The following CHRM2 variants were observed in gnomAD, a reference collection of about 807,000 sequenced individuals.
CHRM2 encodes the protein muscarinic acetylcholine receptor M2.
Under a neutral mutation model 25.0 loss-of-function variants are expected in CHRM2, and 8 were observed. The ratio of observed to expected loss-of-function variants is 0.32; its 90% CI spans 0.19 to 0.58. CHRM2 has a LOEUF of 0.58. CHRM2 is among the 20% of genes least tolerant of loss of function. The pLI, the probability that CHRM2 is intolerant of heterozygous loss-of-function variation, is 0.88. For synonymous variants in CHRM2, 202 were observed against 205.7 expected (o/e 0.98, Z 0.15); for missense variants, 440 against 567.1 (o/e 0.78, Z 2.28).
At chr7:136,903,027 AAAC>A (rs1797317760) in intron 2 of CHRM2, 5 of 488,998 alleles carry the variant, frequency 1.0e-5, no homozygotes, top group African/African-American at 2.0e-5. Context: ...CAGCAACTTT[AAAC>A]AATAGGCCAG....
intron 3 of CHRM2, among the ~76,000 whole-genome samples, chr7:137,012,920 TCAA>T (rs1804918124): frequency 6.6e-6 from 1 of 151,988 alleles, no homozygotes; most frequent in South Asian, 2.1e-4. Flanking sequence ...CCAAAAGTAT[TCAA>T]CACTACCATT....
intron 3 of CHRM2, among the ~76,000 whole-genome samples, chr7:136,995,529 A>G (rs997489162): frequency 6.6e-6 from 1 of 152,164 alleles, no homozygotes; most frequent in African/African-American, 2.4e-5. Flanking sequence ...TTCGGAGGCC[A>G]AAGTGAGAGA....
intron 2 of CHRM2, among the ~76,000 whole-genome samples, chr7:136,898,425 T>G (rs972351328): frequency 2.0e-5 from 3 of 152,064 alleles, no homozygotes; most frequent in African/African-American, 7.2e-5. Flanking sequence ...AATTTATCAT[T>G]CATACAGGTG....
Position 137,017,325 on chromosome 7 carries a change from C to T in CHRM2, c.*1059C>T, listed in dbSNP as rs551883197. 2.2e-4 allele frequency: 34 copies of T among 151,824 alleles called. No individual in the cohort carries two copies. Among genetic ancestry groups the T allele is most frequent in the African/African-American group, 8.0e-4 (33 of 41,454 alleles). The allele number at this position is 151,824 out of a possible 1,614,324, so 9.4% of individuals were successfully genotyped here. On this transcript the variant is annotated 3_prime_UTR_variant, in exon 4 of 4. Coordinates refer to ENST00000680005, the MANE Select transcript of CHRM2 (RefSeq NM_001006630.2). ...CTATTTCAACCTGAATTTGCCTGAC[C>T]CATGTATGAAATGTTAACTTATAGA...
At chr7:136,938,656 C>T in intron 2 of CHRM2, 1 of 814,548 alleles carries the variant, frequency 1.2e-6, no homozygotes. Flanking sequence ...AGGGCCCACT[C>T]GTGCAGGAGC....
chr7:136,922,866 G>GT (rs1002297072), intron 2 of CHRM2, among the ~76,000 whole-genome samples: 4 of 152,136 alleles, frequency 2.6e-5, no homozygotes, highest in African/African-American at 4.8e-5. Context: ...ATCATTTTGG[G>GT]TTTTTTCTAA....
chr7:137,016,248 C>T lies in CHRM2; in HGVS notation c.1383C>T (p.Asn461=), dbSNP rs750992865. Residue 461 remains asparagine (N), a synonymous_variant, in exon 4 of 4, where the codon AAC becomes AAT. Transcript: ENST00000680005. ...ACCTTCTCATGTGTCATTATAAGAACATAGGCGCTACAAGGTAAAATATCT... is the reference window on the plus strand; with the variant it reads ...ACCTTCTCATGTGTCATTATAAGAATATAGGCGCTACAAGGTAAAATATCT... ...FKHLLMCHYK[N]IGATR 1.2e-6 allele frequency: 2 copies of T among 1,612,720 alleles called. No homozygotes were observed. The highest frequency in any genetic ancestry group is 2.2e-5 in the South Asian group (2 of 91,050).
intron 2 of CHRM2, among the ~76,000 whole-genome samples, chr7:136,901,298 T>C (rs1337628582): frequency 2.0e-5 from 3 of 152,112 alleles, no homozygotes; most frequent in Admixed American, 2.0e-4. Flanking sequence ...CATGCAGTTC[T>C]AGCTGCATTC....
At chr7:137,004,441 G>C (rs1804281530) in intron 3 of CHRM2, among the ~76,000 whole-genome samples, 1 of 152,148 alleles carries the variant, frequency 6.6e-6, no homozygotes, top group Admixed American at 6.6e-5. Flanking sequence ...CTAAATGGGA[G>C]ACAGGTATTT....
intron 2 of CHRM2, among the ~76,000 whole-genome samples, chr7:136,965,669 T>C (rs1801370590): frequency 6.6e-6 from 1 of 151,970 alleles, no homozygotes; most frequent in African/African-American, 2.4e-5. Context: ...AAAAATTAAT[T>C]TGAAAACAGC....
At chr7:136,950,141 G>C (rs1235224952) in intron 2 of CHRM2, among the ~76,000 whole-genome samples, 1 of 151,760 alleles carries the variant, frequency 6.6e-6, no homozygotes, top group Non-Finnish European at 1.5e-5. Context: ...CTTTTTTATT[G>C]GTCATAAATA....
rs185124970 is a variant in CHRM2, at chr7:136,929,377, G to C, written c.-125+59959G>C. On this transcript the variant is annotated intron_variant, in intron 2 of 3. Transcript: ENST00000680005. ...AGAAGTTTATATGTTCTGACTCTTG[G>C]CCCACCCAAATTTTCACTGCCAATT... 2.0e-3 allele frequency among the ~76,000 whole-genome samples: 303 copies of C among 151,350 alleles called. 3 individuals carry two copies. The highest frequency in any genetic ancestry group is 7.0e-3 in the African/African-American group (290 of 41,172).
At chr7:136,906,061 G>A (rs533958610) in intron 2 of CHRM2, among the ~76,000 whole-genome samples, 12 of 149,402 alleles carry the variant, frequency 8.0e-5, no homozygotes, top group South Asian at 2.1e-4. Context: ...ATTTTGTTAC[G>A]TATAATTTTT....
chr7:136,919,593 C>T (rs1214986428), intron 2 of CHRM2, among the ~76,000 whole-genome samples: 2 of 152,142 alleles, frequency 1.3e-5, no homozygotes, highest in Middle Eastern at 3.4e-3. Context: ...TTTCTACTTA[C>T]CACTCCAGTT....
intron 2 of CHRM2, among the ~76,000 whole-genome samples, chr7:136,956,735 A>G (rs190606116): frequency 3.3e-5 from 5 of 152,296 alleles, no homozygotes; most frequent in Non-Finnish European, 4.4e-5. Flanking sequence ...CTGTAGCTGT[A>G]TAGTCAGTTG....
intron 2 of CHRM2, among the ~76,000 whole-genome samples, chr7:136,985,403 A>G (rs1802779103): frequency 6.8e-6 from 1 of 146,712 alleles, no homozygotes; most frequent in Non-Finnish European, 1.5e-5. Flanking sequence ...CCAGCTACTC[A>G]GGAGGCTGCG....
At chr7:136,920,571 G>A (rs1338889567) in intron 2 of CHRM2, among the ~76,000 whole-genome samples, 1 of 152,100 alleles carries the variant, frequency 6.6e-6, no homozygotes, top group African/African-American at 2.4e-5. Context: ...GGGGTCTGTT[G>A]CCCTACTGCC....
chr7:136,977,114 G>C (rs984031784), intron 2 of CHRM2, among the ~76,000 whole-genome samples: 1 of 152,208 alleles, frequency 6.6e-6, no homozygotes, highest in African/African-American at 2.4e-5. Flanking sequence ...GAATCCAAGA[G>C]AAGCTCTCCA....
chr7:136,944,518 CGTGT>C (rs559720412), intron 2 of CHRM2, among the ~76,000 whole-genome samples: 6 of 151,538 alleles, frequency 4.0e-5, no homozygotes, highest in African/African-American at 1.5e-4. Context: ...TACATATATA[CGTGT>C]GTGTGTACAT....
Sources: gnomAD v4.1 joint callset for allele counts (sites outside exome capture counted in the v4.1 genomes callset) on GRCh38, gnomAD v4.1.1 for gene constraint, MANE v1.5 for transcripts, NCBI Gene and HGNC (gene_info 2026-07-23, HGNC 2026-07-21) for gene names.